The following UBE2W variants were observed in gnomAD, a reference collection of about 807,000 sequenced individuals.
The protein encoded by UBE2W is ubiquitin conjugating enzyme E2 W.
UBE2W carries 18 observed loss-of-function variants against 27.2 expected under a neutral mutation model. The observed-to-expected ratio is 0.66, with a 90% CI of 0.46 to 0.98. UBE2W has a LOEUF of 0.98. UBE2W is among the 50% of genes least tolerant of loss of function. UBE2W has a pLI of 0.00. For synonymous variants in UBE2W, 53 were observed against 57.2 expected, an observed-to-expected ratio of 0.93 and a Z score of 0.33; for missense variants, 90 against 180.2, an observed-to-expected ratio of 0.50 and a Z score of 2.87.
chr8:73,795,798 T>G (rs1808385464), intron 5 of UBE2W: 2 of 984,774 alleles, frequency 2.0e-6, no homozygotes, highest in South Asian at 9.4e-5. Flanking sequence ...CACAATTTTC[T>G]TGGCAATGCA....
At chr8:73,811,440 T>A (rs1809147253) in intron 3 of UBE2W, among the ~76,000 whole-genome samples, 1 of 152,150 alleles carries the variant, frequency 6.6e-6, no homozygotes, top group African/African-American at 2.4e-5. Context: ...AATTCATATA[T>A]CCTGAGGAAT....
At chr8:73,815,495 G>T (rs537666304) in intron 3 of UBE2W, among the ~76,000 whole-genome samples, 7 of 152,314 alleles carry the variant, frequency 4.6e-5, no homozygotes, top group African/African-American at 1.7e-4. Context: ...AAGTAGACTT[G>T]TAATTGTACA....
At chr8:73,844,967 G>T (rs1311465609) in intron 1 of UBE2W, among the ~76,000 whole-genome samples, 5 of 151,950 alleles carry the variant, frequency 3.3e-5, no homozygotes, top group Non-Finnish European at 5.9e-5. Context: ...CCCCGTCTGG[G>T]AAGCGAGGAG....
At chr8:73,794,151 C>A (rs777623847) in intron 5 of UBE2W, 36 bp from the exon 6 acceptor site, 1 of 1,605,934 alleles carries the variant, frequency 6.2e-7, no homozygotes, top group Non-Finnish European at 8.5e-7. Context: ...ATTAAAAAGT[C>A]AAGCATGTAT....
intron 2 of UBE2W, among the ~76,000 whole-genome samples, chr8:73,827,003 T>C (rs1809865806): frequency 6.6e-6 from 1 of 152,230 alleles, no homozygotes; most frequent in Non-Finnish European, 1.5e-5. Context: ...CTAGGCACAG[T>C]GATATTCCCA....
chr8:73,822,771 G>C (rs558504726), intron 3 of UBE2W, among the ~76,000 whole-genome samples: 1 of 151,992 alleles, frequency 6.6e-6, no homozygotes, highest in East Asian at 1.9e-4. Context: ...GTGACAAAGC[G>C]AGACGCTGTC....
At chr8:73,836,065 T>A (rs1250630754) in intron 1 of UBE2W, among the ~76,000 whole-genome samples, 1 of 152,170 alleles carries the variant, frequency 6.6e-6, no homozygotes, top group East Asian at 1.9e-4. Context: ...TTGTTTTAAA[T>A]CGCTAAGTTT....
chr8:73,868,398 T>C (rs1167183694), intron 1 of UBE2W, among the ~76,000 whole-genome samples: 11 of 152,230 alleles, frequency 7.2e-5, no homozygotes, highest in African/African-American at 2.2e-4. Context: ...CACATATGCA[T>C]AGCTTCATCT....
At chr8:73,798,942 C>A (rs1808529224) in intron 5 of UBE2W, among the ~76,000 whole-genome samples, 1 of 151,522 alleles carries the variant, frequency 6.6e-6, no homozygotes, top group South Asian at 2.1e-4. Context: ...TTTTTTTTAA[C>A]CCTATTCTCC....
downstream of UBE2W, among the ~76,000 whole-genome samples, chr8:73,784,243 T>A (rs1343209385): frequency 6.6e-6 from 1 of 152,198 alleles, no homozygotes; most frequent in Non-Finnish European, 1.5e-5. Flanking sequence ...TTTTCCTGCC[T>A]TGATGCTCAC....
Position 73,878,774 on chromosome 8 carries a change from C to A in UBE2W, c.15+34G>T. The A allele has an allele frequency of 2.6e-6, 4 of 1,529,220 alleles. 1 individual carries two copies. Among genetic ancestry groups the A allele is most frequent in the African/African-American group, 2.8e-5 (2 of 72,468 alleles). The allele number at this position is 1,529,220 out of a possible 1,614,324, so 94.7% of individuals were successfully genotyped here. ...AACGCTGGCACTCTCTCGGCGGCTC[C>A]CTGGCCCGCCCAGATGCAGCAAACT... On this transcript the variant is annotated intron_variant, in intron 1 of 5. Coordinates refer to ENST00000602593, the MANE Select transcript of UBE2W (RefSeq NM_018299.6).
At chr8:73,828,554 A>G (rs2130905416) in intron 2 of UBE2W, among the ~76,000 whole-genome samples, 1 of 152,278 alleles carries the variant, frequency 6.6e-6, no homozygotes, top group Non-Finnish European at 1.5e-5. Flanking sequence ...AGGATGGTGT[A>G]TGGTAGGTCA....
At chr8:73,803,174 C>T (rs1467596277) in intron 5 of UBE2W, among the ~76,000 whole-genome samples, 5 of 150,902 alleles carry the variant, frequency 3.3e-5, no homozygotes, top group African/African-American at 1.2e-4. Context: ...CTAGATCACG[C>T]CACTGCACTC....
chr8:73,781,017 C>T (rs1400549988), intron 4 of UBE2W, among the ~76,000 whole-genome samples: 1 of 151,784 alleles, frequency 6.6e-6, no homozygotes, highest in Non-Finnish European at 1.5e-5. Flanking sequence ...CGCCTGTAAT[C>T]CCAGCCCTTT....
downstream of UBE2W, among the ~76,000 whole-genome samples, chr8:73,784,039 C>G (rs1446808565): frequency 6.6e-6 from 1 of 152,150 alleles, no homozygotes; most frequent in African/African-American, 2.4e-5. Context: ...GTGTGAGCCA[C>G]CACACCTGGC....
downstream of UBE2W, among the ~76,000 whole-genome samples, chr8:73,782,963 TATCTC>T (rs948444124): frequency 2.7e-4 from 41 of 152,332 alleles, 1 homozygote; most frequent in African/African-American, 9.1e-4. Flanking sequence ...TGTGTAGTGG[TATCTC>T]ATCATTGTTT....
chr8:73,810,507 G>A lies in UBE2W; in HGVS notation c.333C>T (p.Ser111=). ...PALSVQSVCL[S]IISMLSSCKE... is the part of the protein sequence containing the mutation. ...TGCAGCTGGAAAGCATGCTAATAAT[G>A]CTAAGACAAACTGATTGGACTGAGA... Residue 111 remains serine (S), a synonymous_variant, in exon 4 of 6, where the codon AGC becomes AGT. Transcript: ENST00000602593. 3 of 1,612,268 alleles carry A rather than the reference G, an allele frequency of 1.9e-6. No individual in the cohort carries two copies. The highest frequency in any genetic ancestry group is 2.5e-6 in the Non-Finnish European group (3 of 1,179,454).
At chr8:73,802,330 TG>T (rs1175504573) in intron 5 of UBE2W, among the ~76,000 whole-genome samples, 1 of 152,252 alleles carries the variant, frequency 6.6e-6, no homozygotes, top group Non-Finnish European at 1.5e-5. Context: ...AATCTTAAAC[TG>T]GTAATTATTT....
chr8:73,846,924 G>C (rs1363560412), intron 1 of UBE2W, among the ~76,000 whole-genome samples: 4 of 152,178 alleles, frequency 2.6e-5, no homozygotes, highest in African/African-American at 9.7e-5. Flanking sequence ...TGTAATCCCA[G>C]AACTTTGGGA....
Sources: allele counts gnomAD v4.1 joint callset (sites outside exome capture counted in the v4.1 genomes callset), GRCh38; gene constraint gnomAD v4.1.1; transcripts MANE v1.5; gene names NCBI Gene and HGNC (gene_info 2026-07-23, HGNC 2026-07-21).